Variants in WDR64 observed in about 807,000 individuals in gnomAD.
WDR64 encodes the protein WD repeat-containing protein 64.
WDR64 carries 112 observed loss-of-function variants against 139.3 expected under a neutral mutation model. The observed-to-expected ratio is 0.80, with a 90% CI of 0.69 to 0.94. WDR64 has a LOEUF of 0.94. WDR64 is among the 40% of genes least tolerant of loss of function. The pLI is 0.00. For synonymous variants in WDR64, 444 were observed against 437.7 expected (o/e 1.01, Z -0.18); for missense variants, 1,206 against 1,293.1 (o/e 0.93, Z 1.03).
chr1:241,728,820 CTTCT>C (rs1342320177), intron 10 of WDR64, among the ~76,000 whole-genome samples: 1 of 111,612 alleles, frequency 9.0e-6, no homozygotes, highest in Non-Finnish European at 1.9e-5. Context: ...TGATTCTCTT[CTTCT>C]TTTTTTTTTT....
At chr1:241,754,865 C>T (rs1670122076) in intron 14 of WDR64, among the ~76,000 whole-genome samples, 1 of 152,094 alleles carries the variant, frequency 6.6e-6, no homozygotes, top group Non-Finnish European at 1.5e-5. Context: ...TAATGGTTTC[C>T]AGCTTCATCC....
At chr1:241,762,896 A>G (rs1657987178) in intron 15 of WDR64, among the ~76,000 whole-genome samples, 1 of 152,210 alleles carries the variant, frequency 6.6e-6, no homozygotes, top group Non-Finnish European at 1.5e-5. Context: ...TCAGTTTGGA[A>G]CTGCAATTTG....
intron 17 of WDR64, 185 bp from the exon 18 acceptor site, chr1:241,770,436 C>T: frequency 2.0e-6 from 1 of 494,644 alleles, no homozygotes; most frequent in Non-Finnish European, 3.6e-6. Flanking sequence ...CAAGAGTCTC[C>T]ACCAATATCA....
Position 241,802,183 on chromosome 1 carries a change from G to C in WDR64, c.*968G>C. ...ACAGAAGAATGACTAAACAAACTAT[G>C]GTAGGGTAGGACAATGGAATCCTCA... On this transcript the variant is annotated 3_prime_UTR_variant, in exon 28 of 28. Coordinates refer to ENST00000437684, the MANE Select transcript of WDR64 (RefSeq NM_001367482.1). 1 of 398,046 alleles carries C rather than the reference G, an allele frequency of 2.5e-6. No individual in the cohort carries two copies. Among genetic ancestry groups the C allele is most frequent in the Non-Finnish European group, 4.4e-6 (1 of 225,838 alleles). 24.7% of individuals were successfully genotyped at this position (398,046 alleles called of 1,614,324 possible).
In WDR64 at chr1:241,678,221, G is replaced by C; in HGVS notation, c.513+5G>C. 1 of 398,884 alleles carries C rather than the reference G, an allele frequency of 2.5e-6. No homozygotes were observed. The highest frequency in any genetic ancestry group is 4.4e-5 in the Admixed American group (1 of 22,730). The allele number at this position is 398,884 out of a possible 1,614,324, so 24.7% of individuals were successfully genotyped here. On this transcript the variant is annotated splice_donor_5th_base_variant and intron_variant, in intron 5 of 27. Transcript: ENST00000437684. ...CAGACCAGCACCAATGTTACAGTAA[G>C]TACACTTTAAAAATTCCTAATTAAG...
In WDR64 at chr1:241,723,446, A is replaced by C; in HGVS notation, c.1194+10A>C. On this transcript the variant is annotated intron_variant, in intron 10 of 27. Coordinates refer to ENST00000437684, the MANE Select transcript of WDR64 (RefSeq NM_001367482.1). ...CCTTTCCTCTGCAAAGGTAACAAAA[A>C]GAAAATAACAAAACAAAACTAGTTT... is the stretch of plus-strand genomic sequence containing the variant. The C allele has an allele frequency of 6.2e-7, 1 of 1,612,756 alleles. No individual in the cohort carries two copies. The highest frequency in any genetic ancestry group is 1.1e-5 in the South Asian group (1 of 90,824).
chr1:241,746,666 C>T (rs1182022299), intron 13 of WDR64, among the ~76,000 whole-genome samples: 1 of 151,262 alleles, frequency 6.6e-6, no homozygotes, highest in African/African-American at 2.4e-5. Context: ...TACAAAGAAA[C>T]AAGCTAGTTA....
intron 9 of WDR64, 29 bp downstream of exon 9, chr1:241,711,910 G>A (rs758234892): frequency 6.2e-7 from 1 of 1,607,894 alleles, no homozygotes; most frequent in Non-Finnish European, 8.5e-7. Context: ...TTACATAGGG[G>A]TTTTCTACTT....
intron 14 of WDR64, 64 bp downstream of exon 14, chr1:241,749,786 T>C: frequency 6.4e-7 from 1 of 1,553,704 alleles, no homozygotes; most frequent in South Asian, 1.2e-5. Flanking sequence ...AATGAGTCAG[T>C]GGATAATCCC....
At chr1:241,743,626 T>C (rs1669638992) in intron 12 of WDR64, among the ~76,000 whole-genome samples, 1 of 152,206 alleles carries the variant, frequency 6.6e-6, no homozygotes, top group Non-Finnish European at 1.5e-5. Context: ...TCATTCTGTG[T>C]TGCCAGTTCA....
At chr1:241,772,223 A>G (rs1049900520) in intron 19 of WDR64, among the ~76,000 whole-genome samples, 6 of 148,692 alleles carry the variant, frequency 4.0e-5, no homozygotes, top group African/African-American at 1.5e-4. Context: ...ATAGTATAGA[A>G]GCTTTTGCAA....
chr1:241,741,511 T>C lies in WDR64; in HGVS notation c.1322-5T>C. On this transcript the variant is annotated splice_polypyrimidine_tract_variant and splice_region_variant and intron_variant, in intron 11 of 27. Coordinates refer to ENST00000437684, the MANE Select transcript of WDR64 (RefSeq NM_001367482.1). ...ATATTTATGAGATTCTTACTTCTGT[T>C]CCAGGATCTAGTGTTATGGACATGT... 1 of 1,592,558 alleles carries C rather than the reference T, an allele frequency of 6.3e-7. No homozygotes were observed. Among genetic ancestry groups the C allele is most frequent in the Non-Finnish European group, 8.5e-7 (1 of 1,173,492 alleles).
chr1:241,762,493 A>T (rs1657961088), intron 15 of WDR64, among the ~76,000 whole-genome samples: 1 of 152,136 alleles, frequency 6.6e-6, no homozygotes, highest in African/African-American at 2.4e-5. Flanking sequence ...AGAAAACTGT[A>T]CCTTTTTGTT....
At chr1:241,694,858 T>C (rs1024311776) in intron 8 of WDR64, among the ~76,000 whole-genome samples, 1 of 152,200 alleles carries the variant, frequency 6.6e-6, no homozygotes, top group Admixed American at 6.5e-5. Context: ...GAAATATATC[T>C]GTTATCCAAC....
At chr1:241,779,588 G>T (rs1323310901) in intron 21 of WDR64, among the ~76,000 whole-genome samples, 1 of 152,168 alleles carries the variant, frequency 6.6e-6, no homozygotes, top group Non-Finnish European at 1.5e-5. Flanking sequence ...CACTTTAGGA[G>T]GCCAAGGCGG....
chr1:241,750,080 C>T (rs1669925004), intron 14 of WDR64, among the ~76,000 whole-genome samples: 1 of 152,182 alleles, frequency 6.6e-6, no homozygotes, highest in African/African-American at 2.4e-5. Flanking sequence ...CAGGCTCTGT[C>T]CCTTATAACC....
At chr1:241,715,859 T>G (rs1419230198) in intron 9 of WDR64, among the ~76,000 whole-genome samples, 4 of 152,158 alleles carry the variant, frequency 2.6e-5, no homozygotes, top group Non-Finnish European at 5.9e-5. Flanking sequence ...CTTAAACCAC[T>G]TCAGTGTTTT....
Position 241,801,919 on chromosome 1 carries a change from TA to T in WDR64, c.*711del. On this transcript the variant is annotated 3_prime_UTR_variant, in exon 28 of 28. Transcript: ENST00000437684. ...AGTTTAAAAGGTTGTCAGAATGGAT[TA>T]AAAAAACAAAATCCAACTATATGTT... is the stretch of plus-strand genomic sequence containing the variant. The T allele has an allele frequency of 5.0e-6, 2 of 397,918 alleles. No homozygotes were observed. Among genetic ancestry groups the T allele is most frequent in the Non-Finnish European group, 8.9e-6 (2 of 225,770 alleles). The allele number at this position is 397,918 out of a possible 1,614,324, so 24.6% of individuals were successfully genotyped here. A position where few individuals can be genotyped will look rare whatever the true frequency, so the allele number is the denominator to read the frequency against.
chr1:241,788,130 G>A, intron 24 of WDR64, 96 bp downstream of exon 24: 1 of 1,119,226 alleles, frequency 8.9e-7, no homozygotes, highest in African/African-American at 1.6e-5. Flanking sequence ...AAGGCAAGAG[G>A]TCCAGAACTT....
Sources: allele counts gnomAD v4.1 joint callset (sites outside exome capture counted in the v4.1 genomes callset), GRCh38; gene constraint gnomAD v4.1.1; transcripts MANE v1.5; gene names NCBI Gene and HGNC (gene_info 2026-07-23, HGNC 2026-07-21).